PIK3C2B: variants seen among roughly 807,000 people sequenced by gnomAD.
The protein encoded by PIK3C2B is phosphatidylinositol-4-phosphate 3-kinase catalytic subunit type 2 beta.
A neutral mutation model predicts 184.3 loss-of-function variants in PIK3C2B; 83 were observed. The ratio of observed to expected loss-of-function variants is 0.45; its 90% CI spans 0.38 to 0.54. The LOEUF is 0.54. Ranked by LOEUF, PIK3C2B falls within the 20% of genes least tolerant of loss-of-function variation. The probability of loss-of-function intolerance (pLI) is 0.00; values close to 1 mark genes in which losing one functional copy is unlikely to be tolerated. For synonymous variants in PIK3C2B, 779 were observed against 837.6 expected, an observed-to-expected ratio of 0.93 and a Z score of 1.21; for missense variants, 1,736 against 2,113.5, an observed-to-expected ratio of 0.82 and a Z score of 3.50.
chr1:204,439,103 G>T, intron 22 of PIK3C2B, 32 bp from the exon 23 acceptor site: 1 of 1,608,628 alleles, frequency 6.2e-7, no homozygotes. Flanking sequence ...TCACGTTCCA[G>T]ACCAGAATGA....
intron 1 of PIK3C2B, among the ~76,000 whole-genome samples, chr1:204,487,404 G>A (rs776959306): frequency 4.6e-5 from 7 of 151,974 alleles, no homozygotes; most frequent in South Asian, 2.1e-4. Context: ...CCTTTAAACC[G>A]CATGGATTAC....
intron 5 of PIK3C2B, among the ~76,000 whole-genome samples, chr1:204,461,575 G>A (rs1475217097): frequency 1.1e-4 from 16 of 152,224 alleles, no homozygotes. Flanking sequence ...GGCAGTATAT[G>A]TAAAAGCTGG....
rs2271423 is a variant in PIK3C2B at position 204,433,770 on chromosome 1, C to T, written c.3843+23G>A. On this transcript the variant is annotated intron_variant, in intron 25 of 32. Coordinates refer to ENST00000684373, the MANE Select transcript of PIK3C2B (RefSeq NM_001377334.1). This position sits in a 1 kb window ranked among gnomAD's most constrained non-coding sequence, Gnocchi z 5.0. ...TGCCAGATAATAAGAAGAAGGTATT[C>T]GGAAAGGGATGGAGCTCCTCACCAG... 17,632 of 1,607,604 alleles carry T rather than the reference C, an allele frequency of 0.011. 586 individuals carry two copies. The highest frequency in any genetic ancestry group is 0.081 in the Admixed American group (4,860 of 59,828).
At chr1:204,475,922 T>C (rs1014489874) in intron 1 of PIK3C2B, among the ~76,000 whole-genome samples, 1 of 152,054 alleles carries the variant, frequency 6.6e-6, no homozygotes, top group Non-Finnish European at 1.5e-5. Flanking sequence ...AGGGCCACAC[T>C]GGCAATGCTC....
At chr1:204,473,599 T>C (rs1161199780) in intron 1 of PIK3C2B, among the ~76,000 whole-genome samples, 1 of 152,230 alleles carries the variant, frequency 6.6e-6, no homozygotes, top group East Asian at 1.9e-4. Flanking sequence ...AGAATGACTG[T>C]GTATTTTCAG....
intron 31 of PIK3C2B, among the ~76,000 whole-genome samples, chr1:204,426,731 T>C (rs900328294): frequency 1.3e-5 from 2 of 152,198 alleles, no homozygotes; most frequent in African/African-American, 2.4e-5. Flanking sequence ...CACTCAAACA[T>C]TTATTGAATG....
intron 1 of PIK3C2B, among the ~76,000 whole-genome samples, chr1:204,474,700 T>C (rs773290838): frequency 1.7e-4 from 26 of 152,142 alleles, no homozygotes; most frequent in Non-Finnish European, 3.5e-4. Context: ...GCTTGGGCAA[T>C]CTCATCTATT....
rs894814253 is a variant in PIK3C2B, at chr1:204,441,380, G to A, written c.3249+91C>T. ...TTAAGACAGCATGGAACAGTGGGAA[G>A]AGAACCACCCAGGGGCTACTTAATG... On this transcript the variant is annotated intron_variant, in intron 21 of 32. Transcript: ENST00000684373. 9 of 748,910 alleles carry A rather than the reference G, an allele frequency of 1.2e-5. No homozygotes were observed. In the African/African-American group the frequency reaches 1.2e-4, roughly 10 times the overall value. 46.4% of individuals were successfully genotyped at this position (748,910 alleles called of 1,614,324 possible).
chr1:204,476,382 T>TG (rs369917749), intron 1 of PIK3C2B, among the ~76,000 whole-genome samples: 45 of 151,772 alleles, frequency 3.0e-4, no homozygotes, highest in African/African-American at 9.2e-4. Context: ...ACCATCCCTA[T>TG]GGGGGGAAAA....
chr1:204,480,553 G>A (rs1251467972), intron 1 of PIK3C2B, among the ~76,000 whole-genome samples: 1 of 152,146 alleles, frequency 6.6e-6, no homozygotes, highest in African/African-American at 2.4e-5. Context: ...CCAGTACCCA[G>A]AAGGATCACA....
At chr1:204,443,353 A>G in intron 19 of PIK3C2B, 64 bp downstream of exon 19, 1 of 1,493,698 alleles carries the variant, frequency 6.7e-7, no homozygotes, top group Non-Finnish European at 9.2e-7. Context: ...CAGGATTCCT[A>G]AGAAGAAACT....
chr1:204,427,971 G>A (rs1018061372), intron 30 of PIK3C2B, among the ~76,000 whole-genome samples, 168 bp downstream of exon 30: 1 of 152,222 alleles, frequency 6.6e-6, no homozygotes, highest in Non-Finnish European at 1.5e-5. Context: ...CCCAGGTAAG[G>A]AACTATGGAC....
At position 204,494,762 on chromosome 1, in the gene PIK3C2B, C is replaced by G. The variant is rs1658261284; in HGVS notation, c.-491G>C. The G allele has an allele frequency of 6.6e-6, 1 of 152,186 alleles. No individual in the cohort carries two copies. Among genetic ancestry groups the G allele is most frequent in the African/African-American group, 2.4e-5 (1 of 41,450 alleles). The allele number at this position is 152,186 out of a possible 1,614,324, so 9.4% of individuals were successfully genotyped here. A position where few individuals can be genotyped will look rare whatever the true frequency, so the allele number is the denominator to read the frequency against. On this transcript the variant is annotated 5_prime_UTR_variant, in exon 1 of 33. Transcript: ENST00000684373. ...GACGCTCGGCCAGACCCTGCCTGGA[C>G]AGGCAGGCACCCGGCCGCCGGCTCC...
Position 204,433,521 on chromosome 1 carries a change from C to T in PIK3C2B, c.3844-96G>A, listed in dbSNP as rs1490731398. On this transcript the variant is annotated intron_variant, in intron 25 of 32. Transcript: ENST00000684373. This position sits in a 1 kb window ranked among gnomAD's most constrained non-coding sequence, Gnocchi z 5.0. Reference sequence around the variant, plus strand: ...AGGCAAGGTTTTCTACAGCTAGGCTCCCTAACCCTTCTAGAGGGTGGTAGA... The same window carrying T: ...AGGCAAGGTTTTCTACAGCTAGGCTTCCTAACCCTTCTAGAGGGTGGTAGA... 1.2e-6 allele frequency: 1 copy of T among 834,182 alleles called. No homozygotes were observed. Among genetic ancestry groups the T allele is most frequent in the Non-Finnish European group, 2.0e-6 (1 of 502,898 alleles). The allele number at this position is 834,182 out of a possible 1,614,324, so 51.7% of individuals were successfully genotyped here.
intron 32 of PIK3C2B, among the ~76,000 whole-genome samples, chr1:204,425,284 T>C (rs916154551): frequency 5.9e-5 from 9 of 152,104 alleles, no homozygotes; most frequent in Non-Finnish European, 1.3e-4. Flanking sequence ...GGGCCACTGC[T>C]CATTTTCAGC....
intron 1 of PIK3C2B, among the ~76,000 whole-genome samples, chr1:204,475,907 T>C (rs1553920): frequency 0.87 from 132,718 of 152,120 alleles, 59,656 homozygotes; most frequent in Non-Finnish European, 0.99. Flanking sequence ...ACAGATCTCA[T>C]GCCCAGGGCC....
intron 31 of PIK3C2B, among the ~76,000 whole-genome samples, chr1:204,426,499 GGCCTTCCCT>G (rs1674749950): frequency 6.6e-6 from 1 of 152,112 alleles, no homozygotes; most frequent in African/African-American, 2.4e-5. Context: ...TCAACAATGA[GGCCTTCCCT>G]GAGCACTCTT....
intron 28 of PIK3C2B, among the ~76,000 whole-genome samples, chr1:204,430,406 C>T (rs534473521): frequency 1.1e-4 from 16 of 151,554 alleles, no homozygotes; most frequent in African/African-American, 3.4e-4. Context: ...AGTACAGTGG[C>T]GCAATCTCGG....
chr1:204,473,858 G>C (rs984994715), intron 1 of PIK3C2B, among the ~76,000 whole-genome samples: 2 of 152,044 alleles, frequency 1.3e-5, no homozygotes, highest in African/African-American at 2.4e-5. Flanking sequence ...AATGCTCCAT[G>C]GATTTCCCTT....
Sources: allele counts gnomAD v4.1 joint callset (sites outside exome capture counted in the v4.1 genomes callset), GRCh38; gene constraint gnomAD v4.1.1; non-coding constraint Gnocchi (gnomAD v3.1); transcripts MANE v1.5; gene names NCBI Gene and HGNC (gene_info 2026-07-23, HGNC 2026-07-21).